The following PTPRN2 variants were observed in gnomAD, a reference collection of about 807,000 sequenced individuals.
The protein encoded by PTPRN2 is receptor-type tyrosine-protein phosphatase N2.
PTPRN2 carries 74 observed loss-of-function variants against 118.8 expected under a neutral mutation model. The observed-to-expected ratio is 0.62, with a 90% CI of 0.52 to 0.76. PTPRN2 has a LOEUF of 0.76. Ranked by LOEUF, PTPRN2 falls within the 30% of genes least tolerant of loss-of-function variation. The pLI is 0.00. For missense variants in PTPRN2, 1,481 were observed against 1,394.4 expected, an observed-to-expected ratio of 1.06 and a Z score of -0.99; for synonymous variants, 641 against 608.0, an observed-to-expected ratio of 1.05 and a Z score of -0.80.
chr7:157,574,890 C>T (rs754901478), intron 19 of PTPRN2, among the ~76,000 whole-genome samples: 11 of 152,214 alleles, frequency 7.2e-5, no homozygotes, highest in African/African-American at 2.7e-4. Context: ...TGGCCTTGGC[C>T]GAAACGCTGG....
At chr7:157,846,546 C>T (rs1808816147) in intron 12 of PTPRN2, among the ~76,000 whole-genome samples, 1 of 152,216 alleles carries the variant, frequency 6.6e-6, no homozygotes, top group Non-Finnish European at 1.5e-5. Context: ...CAGTTTGTCA[C>T]TGCCCTGAGT....
chr7:157,731,358 A>G lies in PTPRN2; in HGVS notation c.1789-48421T>C, dbSNP rs536049070. ...TAATGTGAACTCTGCGGTGACTAGAACCGTATCTGGCATATGGCAGACATT... is the reference window on the plus strand; with the variant it reads ...TAATGTGAACTCTGCGGTGACTAGAGCCGTATCTGGCATATGGCAGACATT... On this transcript the variant is annotated intron_variant, in intron 12 of 22. Coordinates refer to ENST00000389418, the MANE Select transcript of PTPRN2 (RefSeq NM_002847.5). Among the ~76,000 whole-genome samples the G allele has an allele frequency of 4.6e-5, 7 of 152,270 alleles. No homozygotes were observed. In the South Asian group the frequency reaches 1.4e-3, roughly 32 times the overall value.
rs376836913 is a variant in PTPRN2, at chr7:158,029,131, C to T, written c.1723+52167G>A. The T allele has an allele frequency of 6.6e-5, 10 of 152,410 alleles. No homozygotes were observed. The East Asian group carries it at 1.4e-3, about 21-fold the overall frequency. 9.4% of individuals were successfully genotyped at this position (152,410 alleles called of 1,614,324 possible). A position where few individuals can be genotyped will look rare whatever the true frequency, so the allele number is the denominator to read the frequency against. ...CCTGCCTGGCAGCCTCCCCACCACTCGCCGTGGGCACGGGGTCCGTATCCA... is the reference window on the plus strand; with the variant it reads ...CCTGCCTGGCAGCCTCCCCACCACTTGCCGTGGGCACGGGGTCCGTATCCA... On this transcript the variant is annotated intron_variant, in intron 11 of 22. Coordinates refer to ENST00000389418, the MANE Select transcript of PTPRN2 (RefSeq NM_002847.5).
intron 10 of PTPRN2, among the ~76,000 whole-genome samples, chr7:158,096,220 TG>T (rs1814616979): frequency 6.6e-6 from 1 of 152,192 alleles, no homozygotes; most frequent in Admixed American, 6.5e-5. Context: ...ACATAATTTG[TG>T]GGGCCCTTTG....
intron 10 of PTPRN2, among the ~76,000 whole-genome samples, chr7:158,106,373 C>T (rs1270515437): frequency 6.6e-6 from 1 of 152,154 alleles, no homozygotes; most frequent in Non-Finnish European, 1.5e-5. Context: ...CCATCCCAAC[C>T]TCCACCTCTG....
chr7:157,768,213 C>T (rs1363456988), intron 12 of PTPRN2, among the ~76,000 whole-genome samples: 1 of 152,218 alleles, frequency 6.6e-6, no homozygotes, highest in Admixed American at 6.5e-5. Flanking sequence ...CCCCAGATTG[C>T]TGGAATATCA....
chr7:157,712,590 A>G (rs1239876977), intron 12 of PTPRN2, among the ~76,000 whole-genome samples: 1 of 152,070 alleles, frequency 6.6e-6, no homozygotes, highest in Non-Finnish European at 1.5e-5. Flanking sequence ...GTCTCTACTT[A>G]AAATGTAAAA....
At chr7:157,994,155 T>C (rs142123984) in intron 11 of PTPRN2, among the ~76,000 whole-genome samples, 97 of 152,226 alleles carry the variant, frequency 6.4e-4, no homozygotes, top group African/African-American at 2.3e-3. Context: ...GATACTTCAC[T>C]ACAGGCCATT....
At chr7:157,757,449 G>C (rs181308087) in intron 12 of PTPRN2, among the ~76,000 whole-genome samples, 1 of 152,254 alleles carries the variant, frequency 6.6e-6, no homozygotes, top group East Asian at 1.9e-4. Context: ...CGGCCGGTGG[G>C]GACAAGGAGG....
chr7:158,387,928 T>TA (rs1293549065), intron 2 of PTPRN2, among the ~76,000 whole-genome samples: 1 of 152,172 alleles, frequency 6.6e-6, no homozygotes, highest in African/African-American at 2.4e-5. Flanking sequence ...TGCCTTGAAA[T>TA]ACTGTCTCTG....
intron 12 of PTPRN2, among the ~76,000 whole-genome samples, chr7:157,688,277 A>T (rs1797291193): frequency 1.3e-5 from 2 of 152,178 alleles, no homozygotes; most frequent in Admixed American, 1.3e-4. Flanking sequence ...ATCTTTAAGC[A>T]CTCCTAAAAC....
chr7:158,222,038 T>G (rs1421453345), intron 3 of PTPRN2, among the ~76,000 whole-genome samples: 1 of 152,122 alleles, frequency 6.6e-6, no homozygotes, highest in African/African-American at 2.4e-5. Context: ...CTATTTCACA[T>G]GAGCCAGAAT....
chr7:157,966,792 T>C (rs1273545615), intron 11 of PTPRN2, among the ~76,000 whole-genome samples: 1 of 152,034 alleles, frequency 6.6e-6, no homozygotes, highest in African/African-American at 2.4e-5. Context: ...ATCACCATCA[T>C]CTTCATCACC....
intron 1 of PTPRN2, among the ~76,000 whole-genome samples, chr7:158,581,515 C>G (rs11974296): frequency 6.6e-6 from 1 of 151,842 alleles, no homozygotes; most frequent in Admixed American, 6.6e-5. Context: ...AAAGAAAAGT[C>G]CATTTTACTT....
chr7:157,887,512 CCCCCCAGTACCCGCTT>C (rs1796532537), intron 12 of PTPRN2, among the ~76,000 whole-genome samples: 1 of 23,374 alleles, frequency 4.3e-5, no homozygotes, highest in African/African-American at 2.0e-4. Context: ...AGTACCCACT[CCCCCCAGTACCCGCTT>C]CCCCCAGTAC....
intron 9 of PTPRN2, among the ~76,000 whole-genome samples, chr7:158,125,913 C>T (rs1405094884): frequency 1.3e-5 from 2 of 152,166 alleles, no homozygotes; most frequent in African/African-American, 2.4e-5. Context: ...TGCTGGTTCT[C>T]GTGATGCGCT....
chr7:158,079,613 A>G (rs1042114135), intron 11 of PTPRN2, among the ~76,000 whole-genome samples: 2 of 152,236 alleles, frequency 1.3e-5, no homozygotes, highest in Non-Finnish European at 2.9e-5. Flanking sequence ...GAAACTGCCA[A>G]TCATGGGATA....
chr7:158,155,464 C>T (rs1563528582), intron 6 of PTPRN2, among the ~76,000 whole-genome samples: 1 of 137,826 alleles, frequency 7.3e-6, no homozygotes, highest in African/African-American at 2.8e-5. Flanking sequence ...TCATCACCAT[C>T]ATCATCACCA....
In PTPRN2 at chr7:158,525,947, C is replaced by A. The variant is rs560286109; in HGVS notation, c.113-36162G>T. ...AAGCTCTCCTGAAGCCTTAGGGTCT[C>A]AACATCCCAAGCCGACAATGCCCCC... On this transcript the variant is annotated intron_variant, in intron 1 of 22. Coordinates refer to ENST00000389418, the MANE Select transcript of PTPRN2 (RefSeq NM_002847.5). The surrounding 1 kb of genome is among the most constrained non-coding windows in gnomAD (Gnocchi z 4.1). Among the ~76,000 whole-genome samples, 3 of 152,308 alleles carry A rather than the reference C, an allele frequency of 2.0e-5. No homozygotes were observed. The South Asian group carries it at 6.2e-4, about 32-fold the overall frequency.
Sources: allele counts gnomAD v4.1 joint callset (sites outside exome capture counted in the v4.1 genomes callset), GRCh38; gene constraint gnomAD v4.1.1; non-coding constraint Gnocchi (gnomAD v3.1); transcripts MANE v1.5; gene names NCBI Gene and HGNC (gene_info 2026-07-23, HGNC 2026-07-21).